Variants in C2CD3 observed in about 807,000 individuals in gnomAD.
C2CD3 encodes the protein C2 domain containing 3 centriole elongation regulator, also known as C2 domain-containing protein 3.
Under a neutral mutation model 234.0 loss-of-function variants are expected in C2CD3, and 148 were observed. That is an observed-to-expected ratio of 0.63 (90% CI 0.55 to 0.72). C2CD3 has a LOEUF of 0.72. C2CD3 is among the 30% of genes least tolerant of loss of function. C2CD3 has a pLI of 0.00. For synonymous variants in C2CD3, 1,000 were observed against 1,035.4 expected (o/e 0.97, Z 0.66); for missense variants, 2,577 against 2,811.5 (o/e 0.92, Z 1.89).
At chr11:74,116,170 C>T (rs528784157) in intron 9 of C2CD3, among the ~76,000 whole-genome samples, 8 of 152,208 alleles carry the variant, frequency 5.3e-5, no homozygotes, top group Admixed American at 1.3e-4. Flanking sequence ...AAGAAACAGT[C>T]GGCAGAGTAA....
chr11:74,100,792 G>C, intron 14 of C2CD3, 116 bp from the exon 15 acceptor site: 2 of 814,848 alleles, frequency 2.5e-6, no homozygotes, highest in Non-Finnish European at 3.8e-6. Context: ...ACAGTGTTAT[G>C]AGCTAAAGAC....
At chr11:74,082,911 T>C (rs1040203720) in intron 22 of C2CD3, among the ~76,000 whole-genome samples, 21 of 152,176 alleles carry the variant, frequency 1.4e-4, no homozygotes, top group Non-Finnish European at 2.4e-4. Context: ...AAGCTACCAA[T>C]GACTTTCTTC....
chr11:74,109,957 T>TTGGAGCGCTTG (rs1256726892), intron 11 of C2CD3, among the ~76,000 whole-genome samples: 2,375 of 150,280 alleles, frequency 0.016, 57 homozygotes, highest in African/African-American at 0.035. Flanking sequence ...GGCAGACGCC[T>TTGGAGCGCTTG]GTAGTCCCAG....
Position 74,078,371 on chromosome 11 carries a change from G to A in C2CD3, c.4347C>T (p.Thr1449=), listed in dbSNP as rs776010410. 8 of 1,614,086 alleles carry A rather than the reference G, an allele frequency of 5.0e-6. No individual in the cohort carries two copies. In the Admixed American group the frequency reaches 8.3e-5, roughly 17 times the overall value. The stretch of plus-strand genomic sequence containing the variant: ...CAGATTCCTTAGGCTTCTTGAGAGG[G>A]GTCCAAAAGGCTTCATGATCATAGA... ...YKFYDHEAFW[T]PLKKPKESVN... is the part of the protein sequence containing the mutation. The change falls in exon 23 of 33, where the codon ACC becomes ACT. Residue 1449 remains threonine (T), a synonymous_variant. Coordinates refer to ENST00000334126, the MANE Select transcript of C2CD3 (RefSeq NM_001286577.2).
At chr11:74,153,638 A>G (rs1354530123) in intron 3 of C2CD3, among the ~76,000 whole-genome samples, 1 of 152,214 alleles carries the variant, frequency 6.6e-6, no homozygotes, top group Non-Finnish European at 1.5e-5. Context: ...TGTATATTGT[A>G]CAGTATCAAC....
At chr11:74,025,261 T>C (rs1380136133) in intron 32 of C2CD3, among the ~76,000 whole-genome samples, 1 of 152,074 alleles carries the variant, frequency 6.6e-6, no homozygotes, top group Non-Finnish European at 1.5e-5. Flanking sequence ...AATGTCATGA[T>C]TTTCAGGTGG....
At chr11:74,163,880 T>C (rs1042477874) in intron 2 of C2CD3, among the ~76,000 whole-genome samples, 2 of 152,192 alleles carry the variant, frequency 1.3e-5, no homozygotes, top group African/African-American at 4.8e-5. Flanking sequence ...TGGACTAACA[T>C]GTATTCATTG....
chr11:74,090,701 T>C, intron 20 of C2CD3, 112 bp downstream of exon 20: 1 of 1,124,434 alleles, frequency 8.9e-7, no homozygotes, highest in South Asian at 1.4e-5. Flanking sequence ...AAAGAGGAGT[T>C]GTGGTTAGTG....
At chr11:74,015,119 C>CCT (rs1232778084) in intron 32 of C2CD3, among the ~76,000 whole-genome samples, 1 of 152,216 alleles carries the variant, frequency 6.6e-6, no homozygotes, top group Non-Finnish European at 1.5e-5. Context: ...CAGTGGCCAG[C>CCT]CTCTGCCTGT....
chr11:74,071,323 C>T (rs1205576917), intron 24 of C2CD3, among the ~76,000 whole-genome samples: 5 of 152,176 alleles, frequency 3.3e-5, no homozygotes, highest in Middle Eastern at 3.2e-3. Flanking sequence ...TCTGACTTTC[C>T]AGACGTCACT....
At chr11:74,056,981 C>CA (rs990347056) in intron 25 of C2CD3, among the ~76,000 whole-genome samples, 2 of 151,588 alleles carry the variant, frequency 1.3e-5, no homozygotes, top group African/African-American at 4.8e-5. Context: ...GTGATGCTCC[C>CA]ACCTGGGCTC....
intron 24 of C2CD3, among the ~76,000 whole-genome samples, chr11:74,063,688 G>T (rs1283455350): frequency 1.3e-5 from 2 of 152,164 alleles, no homozygotes; most frequent in Non-Finnish European, 2.9e-5. Flanking sequence ...GGCAAAAACT[G>T]AAAGCATTCC....
rs866652738 is a variant in C2CD3 at position 74,117,154 on chromosome 11, A to T, written c.1520+1074T>A. 6.3e-5 allele frequency among the ~76,000 whole-genome samples: 4 copies of T among 63,360 alleles called. 1 individual carries two copies. The highest frequency in any genetic ancestry group is 1.1e-4 in the African/African-American group (1 of 9,080). The allele number at this position is 63,360 out of a possible 152,430, so 41.6% of individuals were successfully genotyped here. A position where few individuals can be genotyped will look rare whatever the true frequency, so the allele number is the denominator to read the frequency against. On this transcript the variant is annotated intron_variant, in intron 9 of 32. Coordinates refer to ENST00000334126, the MANE Select transcript of C2CD3 (RefSeq NM_001286577.2). Reference sequence around the variant, plus strand: ...AATATATATATATGAATATATATATATGAATATATATATATGAATATATAT... The same window carrying T: ...AATATATATATATGAATATATATATTTGAATATATATATATGAATATATAT...
intron 20 of C2CD3, 57 bp downstream of exon 20, chr11:74,090,756 T>C (rs1057012614): frequency 1.2e-6 from 2 of 1,601,834 alleles, no homozygotes; most frequent in Non-Finnish European, 1.7e-6. Flanking sequence ...CTGAGCATTA[T>C]TTTACAATGA....
chr11:74,159,291 T>A (rs1013627148), intron 3 of C2CD3, among the ~76,000 whole-genome samples: 2 of 152,216 alleles, frequency 1.3e-5, no homozygotes, highest in African/African-American at 4.8e-5. Flanking sequence ...TTCTTTTTGT[T>A]TTAGAGTGTA....
At chr11:74,153,225 C>T (rs1590952594) in intron 3 of C2CD3, among the ~76,000 whole-genome samples, 2 of 149,948 alleles carry the variant, frequency 1.3e-5, no homozygotes. Context: ...CAAAACAAAA[C>T]AAAACAAAAC....
rs71469494 is a variant in C2CD3 at position 74,117,361 on chromosome 11, AATATATAT to A, written c.1520+859_1520+866del. On this transcript the variant is annotated intron_variant, in intron 9 of 32. Transcript: ENST00000334126. ...ACATCGTCTAAGTCATTTGGCCTCA[AATATATAT>A]ATATATATATATATATATATATGGA... 3.0e-3 allele frequency among the ~76,000 whole-genome samples: 283 copies of A among 94,852 alleles called. 7 individuals carry two copies. Among genetic ancestry groups the A allele is most frequent in the African/African-American group, 0.01 (251 of 24,650 alleles). 62.2% of individuals were successfully genotyped at this position (94,852 alleles called of 152,430 possible).
intron 7 of C2CD3, among the ~76,000 whole-genome samples, chr11:74,126,516 G>A (rs1373677455): frequency 6.6e-6 from 1 of 152,196 alleles, no homozygotes; most frequent in African/African-American, 2.4e-5. Context: ...GCCGAGGCCG[G>A]CGGAAGACTT....
At chr11:74,077,772 T>C (rs1163362297) in intron 23 of C2CD3, among the ~76,000 whole-genome samples, 8 of 398 alleles carry the variant, frequency 0.02, no homozygotes, top group Middle Eastern at 0.5. Flanking sequence ...GAACTTACAG[T>C]ATATATATAT....
Sources: allele counts gnomAD v4.1 joint callset (sites outside exome capture counted in the v4.1 genomes callset), GRCh38; gene constraint gnomAD v4.1.1; transcripts MANE v1.5; gene names NCBI Gene and HGNC (gene_info 2026-07-23, HGNC 2026-07-21).